Variants in MDN1 observed in about 807,000 individuals in gnomAD.
MDN1 encodes the protein midasin AAA ATPase 1.
In MDN1, 266 loss-of-function variants were observed where a neutral mutation model predicts 669.2. That is an observed-to-expected ratio of 0.40 (90% CI 0.36 to 0.44). The LOEUF (loss-of-function observed/expected upper bound fraction) is 0.44, where lower values mean the gene tolerates loss of function less well. Ranked by LOEUF, MDN1 falls within the 20% of genes least tolerant of loss-of-function variation. The probability of loss-of-function intolerance (pLI) is 1.00; values close to 1 mark genes in which losing one functional copy is unlikely to be tolerated. For missense variants in MDN1, 5,940 were observed against 6,754.0 expected, an observed-to-expected ratio of 0.88 and a Z score of 4.22; for synonymous variants, 2,385 against 2,457.1, an observed-to-expected ratio of 0.97 and a Z score of 0.87.
chr6:89,689,029 A>G (rs762697607), intron 65 of MDN1, among the ~76,000 whole-genome samples: 9 of 152,148 alleles, frequency 5.9e-5, no homozygotes, highest in Non-Finnish European at 1.0e-4. Context: ...CATTAGCCAG[A>G]CATGCATGTG....
At chr6:89,787,329 C>T (rs980055386) in intron 8 of MDN1, among the ~76,000 whole-genome samples, 7 of 152,286 alleles carry the variant, frequency 4.6e-5, no homozygotes, top group Non-Finnish European at 7.4e-5. Context: ...ATACTAAGCA[C>T]GCTCAGTTTT....
At chr6:89,796,324 CAAAAAAAAAAAA>C (rs35169575) in intron 2 of MDN1, among the ~76,000 whole-genome samples, 2 of 45,392 alleles carry the variant, frequency 4.4e-5, no homozygotes, top group South Asian at 6.4e-4. Flanking sequence ...AACTCTGTCT[CAAAAAAAAAAAA>C]AAAAAAAAAA....
At chr6:89,799,012 T>C (rs966251838) in intron 2 of MDN1, among the ~76,000 whole-genome samples, 3 of 152,216 alleles carry the variant, frequency 2.0e-5, no homozygotes, top group African/African-American at 7.2e-5. Context: ...GAGAATAAAG[T>C]AGTTCTTGGA....
chr6:89,772,487 G>A, intron 14 of MDN1, 86 bp downstream of exon 14: 3 of 1,483,894 alleles, frequency 2.0e-6, no homozygotes, highest in Non-Finnish European at 2.8e-6. Context: ...AAACTCTGTG[G>A]TCTTTGGATT....
At chr6:89,745,139 A>AAG in intron 29 of MDN1, 134 bp downstream of exon 29, 1 of 874,888 alleles carries the variant, frequency 1.1e-6, no homozygotes, top group East Asian at 4.3e-5. Flanking sequence ...CTTCTTAAAA[A>AAG]AAAAAAAAAA....
chr6:89,686,572 T>C (rs552980495), intron 69 of MDN1, among the ~76,000 whole-genome samples: 5 of 152,382 alleles, frequency 3.3e-5, no homozygotes, highest in African/African-American at 1.2e-4. Flanking sequence ...CATTCAAGCA[T>C]GTTGGCTACT....
chr6:89,694,445 C>A (rs1368566728), intron 61 of MDN1, among the ~76,000 whole-genome samples: 2 of 152,200 alleles, frequency 1.3e-5, no homozygotes, highest in Admixed American at 1.3e-4. Context: ...TATAATTTTC[C>A]TTCTTCAAAA....
Position 89,690,042 on chromosome 6 carries a change from C to A in MDN1, c.10851G>T (p.Gln3617His), listed in dbSNP as rs144338511. 1.3e-4 allele frequency: 213 copies of A among 1,614,092 alleles called. No individual in the cohort carries two copies. The highest frequency in any genetic ancestry group is 2.5e-5 in the Non-Finnish European group (30 of 1,180,040). Residue 3617 changes from glutamine to histidine, a missense_variant, in exon 65 of 102, where the codon CAG (glutamine) becomes CAT (histidine). Physicochemically the swap from Gln to His is conservative, Grantham distance 24. This residue lies in a region of MDN1 where 2,280 missense variants were observed against 2,576.3 expected (regional missense o/e 0.88). Transcript: ENST00000369393. ...EAGTNPALLS[Q>H]NSMQAVMLIH... ...TCAGCATTACTGCCTGCATTGAATT[C>A]TGGGAGAGGAGAGCTGGGTTTGTGC... is the stretch of plus-strand genomic sequence containing the variant.
rs755612129 is a variant in MDN1, at chr6:89,692,775, G to C, written c.10255C>G (p.His3419Asp). Residue 3419 changes from histidine (H) to aspartate (D), a missense_variant, in exon 63 of 102, where the codon CAC (histidine) becomes GAC (aspartate). By Grantham distance (81) the His-to-Asp change is moderately conservative (BLOSUM62 -1). Around this residue, in one of 5 missense-constraint regions of MDN1, gnomAD observed 150 missense variants for 234.2 expected, o/e 0.64. Coordinates refer to ENST00000369393, the MANE Select transcript of MDN1 (RefSeq NM_014611.3). ...ACCATACTGCTGTGGAGTGAGGTGTGGAGCTCAGAGGCCACCAGCCTCATG... is the reference window on the plus strand; with the variant it reads ...ACCATACTGCTGTGGAGTGAGGTGTCGAGCTCAGAGGCCACCAGCCTCATG... ...HGMRLVASEL[H>D]TSLHSSMVGA... The C allele has an allele frequency of 1.2e-6, 2 of 1,614,014 alleles. No homozygotes were observed. Among genetic ancestry groups the C allele is most frequent in the Non-Finnish European group, 8.5e-7 (1 of 1,179,938 alleles).
intron 1 of MDN1, chr6:89,814,833 G>A (rs980206472): frequency 4.2e-6 from 2 of 481,404 alleles, no homozygotes; most frequent in Admixed American, 2.3e-5. Flanking sequence ...TTCCAAAGAA[G>A]GCTGCCCCTA....
At chr6:89,814,156 G>A (rs949704937) in intron 1 of MDN1, among the ~76,000 whole-genome samples, 1 of 152,096 alleles carries the variant, frequency 6.6e-6, no homozygotes, top group African/African-American at 2.4e-5. Flanking sequence ...TCAGTCAAGT[G>A]CATTCTAAAG....
intron 95 of MDN1, among the ~76,000 whole-genome samples, chr6:89,651,456 ATACAAAAAAATTAGTCGGGCGT>A (rs1327331435): frequency 6.6e-6 from 1 of 152,050 alleles, no homozygotes; most frequent in Non-Finnish European, 1.5e-5. Flanking sequence ...CTCTACTAAA[ATACAAAAAAATTAGTCGGGCGT>A]GGTGGCAAGT....
Position 89,671,097 on chromosome 6 carries a change from A to G in MDN1, c.13795-17T>C, listed in dbSNP as rs1403478761. The G allele has an allele frequency of 1.2e-6, 2 of 1,611,414 alleles. No homozygotes were observed. Among genetic ancestry groups the G allele is most frequent in the Non-Finnish European group, 1.7e-6 (2 of 1,178,810 alleles). On this transcript the variant is annotated splice_polypyrimidine_tract_variant and intron_variant, in intron 82 of 101. Transcript: ENST00000369393. ...GCTGAAGAACTGAGACCAAAACAAA[A>G]CAAAAGGCCTGCTCACACTGCTTGG...
chr6:89,714,324 T>G (rs1814177933), intron 46 of MDN1, among the ~76,000 whole-genome samples: 1 of 152,208 alleles, frequency 6.6e-6, no homozygotes, highest in South Asian at 2.1e-4. Context: ...TGCATCAGAA[T>G]GACATAAGAA....
At chr6:89,690,872 T>C in intron 63 of MDN1, 38 bp from the exon 64 acceptor site, 3 of 1,601,666 alleles carry the variant, frequency 1.9e-6, no homozygotes, top group Non-Finnish European at 1.7e-6. Flanking sequence ...TGAGCTTTCT[T>C]TGCTGAGGCA....
chr6:89,699,573 G>T, intron 58 of MDN1, 28 bp downstream of exon 58: 1 of 1,586,898 alleles, frequency 6.3e-7, no homozygotes, highest in Non-Finnish European at 8.6e-7. Context: ...TAATGTAAAG[G>T]AGGCTTATGT....
chr6:89,759,364 C>T (rs182894928), intron 17 of MDN1, among the ~76,000 whole-genome samples: 40 of 152,324 alleles, frequency 2.6e-4, no homozygotes, highest in Middle Eastern at 3.4e-3. Flanking sequence ...CTGCCTTTCA[C>T]ACCTACTGAA....
chr6:89,740,761 C>A (rs527276106), intron 31 of MDN1, among the ~76,000 whole-genome samples: 333 of 152,240 alleles, frequency 2.2e-3, no homozygotes, highest in Non-Finnish European at 4.2e-3. Context: ...CAAAAAGGAA[C>A]AAACTAATAA....
At chr6:89,776,042 C>T (rs976532325) in intron 12 of MDN1, among the ~76,000 whole-genome samples, 1 of 152,174 alleles carries the variant, frequency 6.6e-6, no homozygotes, top group Non-Finnish European at 1.5e-5. Context: ...AAAAACTCTG[C>T]ATTAAGTTAT....
Sources: allele counts gnomAD v4.1 joint callset (sites outside exome capture counted in the v4.1 genomes callset), GRCh38; gene constraint gnomAD v4.1.1; regional missense constraint gnomAD v4.1.1; transcripts MANE v1.5; gene names NCBI Gene and HGNC (gene_info 2026-07-23, HGNC 2026-07-21).